The following ATG10 variants were observed in gnomAD, a reference collection of about 807,000 sequenced individuals.
ATG10 encodes autophagy related 10.
Under a neutral mutation model 32.1 loss-of-function variants are expected in ATG10, and 30 were observed. The observed-to-expected ratio is 0.94, with a 90% CI of 0.70 to 1.27. The LOEUF is 1.27. Among genes scored for constraint, ATG10 ranks in the 50% most tolerant of loss-of-function variants. The probability of loss-of-function intolerance (pLI) is 0.00; values close to 1 mark genes in which losing one functional copy is unlikely to be tolerated. For synonymous variants in ATG10, 87 were observed against 91.5 expected (o/e 0.95, Z 0.28); for missense variants, 233 against 262.3 (o/e 0.89, Z 0.77).
At chr5:82,174,912 T>C (rs1255737064) in intron 4 of ATG10, among the ~76,000 whole-genome samples, 2 of 152,192 alleles carry the variant, frequency 1.3e-5, no homozygotes, top group Non-Finnish European at 2.9e-5. Flanking sequence ...AGCAGATATT[T>C]TAACAATGGT....
chr5:82,111,386 T>A (rs1054828283), intron 3 of ATG10: 5 of 152,032 alleles, frequency 3.3e-5, no homozygotes, highest in Admixed American at 3.3e-4. Context: ...TTATGTGGTA[T>A]ACAGACATCT....
At chr5:82,238,074 C>T (rs1428833484) in intron 5 of ATG10, among the ~76,000 whole-genome samples, 1 of 152,188 alleles carries the variant, frequency 6.6e-6, no homozygotes, top group Non-Finnish European at 1.5e-5. Context: ...GGGCCTCAGG[C>T]CTGGGCCACC....
intron 5 of ATG10, among the ~76,000 whole-genome samples, chr5:82,251,131 T>TCAC (rs1257288469): frequency 6.6e-5 from 10 of 152,174 alleles, no homozygotes; most frequent in Non-Finnish European, 1.3e-4. Context: ...AACTCATCCC[T>TCAC]CACCACCACC....
At chr5:82,103,269 T>A (rs984675954) in intron 3 of ATG10, among the ~76,000 whole-genome samples, 1 of 152,212 alleles carries the variant, frequency 6.6e-6, no homozygotes, top group Non-Finnish European at 1.5e-5. Flanking sequence ...TAAAATAATT[T>A]ATTTGTAAAG....
At chr5:82,074,655 A>G (rs77258943) in intron 3 of ATG10, among the ~76,000 whole-genome samples, 1 of 152,132 alleles carries the variant, frequency 6.6e-6, no homozygotes, top group Non-Finnish European at 1.5e-5. Flanking sequence ...CATCTTCTCC[A>G]TATCTCTTAT....
intron 2 of ATG10, among the ~76,000 whole-genome samples, chr5:82,052,556 A>G (rs189657650): frequency 6.8e-4 from 103 of 152,290 alleles, no homozygotes; most frequent in Admixed American, 4.8e-3. Flanking sequence ...ATGAAGTGCC[A>G]TGTATTTATA....
intron 5 of ATG10, among the ~76,000 whole-genome samples, chr5:82,209,199 A>G (rs2149975943): frequency 6.6e-6 from 1 of 152,286 alleles, no homozygotes; most frequent in East Asian, 1.9e-4. Flanking sequence ...AATCTGACTT[A>G]TTTGAAGGTC....
At chr5:82,192,368 A>G (rs1253695701) in intron 5 of ATG10, among the ~76,000 whole-genome samples, 1 of 152,232 alleles carries the variant, frequency 6.6e-6, no homozygotes, top group African/African-American at 2.4e-5. Flanking sequence ...TCAACTAGCC[A>G]GAGAGCTTCA....
chr5:82,253,347 T>C lies in ATG10; in HGVS notation c.585T>C (p.Ile195=), dbSNP rs765397452. Residue 195 remains isoleucine, a synonymous_variant, in exon 7 of 8, where the codon ATT becomes ATC. Coordinates refer to ENST00000282185, the MANE Select transcript of ATG10 (RefSeq NM_031482.5). The part of the protein sequence containing the change: ...NVNYITSWLS[I]VGPVVGLNLP... ...ACTATATCACATCATGGCTGAGCAT[T>C]GTAGGGCCAGTTGTTGGGCTGAATC... 4 of 1,613,352 alleles carry C rather than the reference T, an allele frequency of 2.5e-6. No homozygotes were observed. Among genetic ancestry groups the C allele is most frequent in the Non-Finnish European group, 3.4e-6 (4 of 1,179,234 alleles).
intron 5 of ATG10, among the ~76,000 whole-genome samples, chr5:82,200,100 A>G (rs939644731): frequency 6.6e-6 from 1 of 152,250 alleles, no homozygotes; most frequent in Admixed American, 6.5e-5. Context: ...AAAAACACTC[A>G]TTTGTAGGGT....
intron 3 of ATG10, among the ~76,000 whole-genome samples, chr5:82,084,291 A>G (rs1764588091): frequency 6.6e-6 from 1 of 152,180 alleles, no homozygotes; most frequent in African/African-American, 2.4e-5. Flanking sequence ...TAAAAAGAGT[A>G]AAAAGAAACA....
At chr5:81,990,037 C>T (rs1218387787) in intron 2 of ATG10, among the ~76,000 whole-genome samples, 1 of 151,992 alleles carries the variant, frequency 6.6e-6, no homozygotes, top group Non-Finnish European at 1.5e-5. Context: ...TCTCTTGGGT[C>T]TTCTAGGAAT....
chr5:81,984,103 C>G (rs1387605712), intron 1 of ATG10, among the ~76,000 whole-genome samples: 2 of 152,236 alleles, frequency 1.3e-5, no homozygotes, highest in Non-Finnish European at 2.9e-5. Flanking sequence ...TGCAGCGAGC[C>G]GAGATCACGC....
chr5:82,046,595 C>T lies in ATG10; in HGVS notation c.109-11900C>T, dbSNP rs544308644. ...CCAGTTTGTGGTACTTTGTACAGCCCATCCCAGGGAGGCCTTTGTCACTTC... is the reference window on the plus strand; with the variant it reads ...CCAGTTTGTGGTACTTTGTACAGCCTATCCCAGGGAGGCCTTTGTCACTTC... On this transcript the variant is annotated intron_variant, in intron 2 of 7. Coordinates refer to ENST00000282185, the MANE Select transcript of ATG10 (RefSeq NM_031482.5). Among the ~76,000 whole-genome samples, 345 of 152,296 alleles carry T rather than the reference C, an allele frequency of 2.3e-3. 1 individual carries two copies. The highest frequency in any genetic ancestry group is 7.9e-3 in the African/African-American group (329 of 41,570).
intron 2 of ATG10, among the ~76,000 whole-genome samples, chr5:82,022,022 C>CA (rs1218669453): frequency 0.012 from 1,348 of 109,806 alleles, 18 homozygotes; most frequent in Admixed American, 0.037. Flanking sequence ...GACGCTGTCT[C>CA]AAAAAAAAAA....
chr5:82,188,574 G>T (rs1190989216), intron 5 of ATG10, among the ~76,000 whole-genome samples: 1 of 151,974 alleles, frequency 6.6e-6, no homozygotes, highest in Non-Finnish European at 1.5e-5. Context: ...TCAAGTCTGA[G>T]GAATATTTAT....
chr5:81,984,797 T>C (rs751177243), intron 1 of ATG10, among the ~76,000 whole-genome samples: 2 of 152,224 alleles, frequency 1.3e-5, no homozygotes, highest in Admixed American at 6.5e-5. Flanking sequence ...TGAATTATAT[T>C]TACATTTTTG....
intron 5 of ATG10, among the ~76,000 whole-genome samples, chr5:82,198,521 A>G (rs1744945751): frequency 6.6e-6 from 1 of 152,122 alleles, no homozygotes; most frequent in South Asian, 2.1e-4. Flanking sequence ...CAGCCTCCCA[A>G]AGTGCTGGGA....
In ATG10 at chr5:81,995,449, T is replaced by G. The variant is rs554744489; in HGVS notation, c.108+7771T>G. Among the ~76,000 whole-genome samples, 175 of 152,262 alleles carry G rather than the reference T, an allele frequency of 1.1e-3. 2 individuals are homozygous for G. The highest frequency in any genetic ancestry group is 2.3e-3 in the Admixed American group (35 of 15,290). ...TGAGCCACCATGCCCAGCCTGAGTT[T>G]TTAATGTTCTTTACCTACACAACTG... On this transcript the variant is annotated intron_variant, in intron 2 of 7. Transcript: ENST00000282185.
Sources: allele counts gnomAD v4.1 joint callset (sites outside exome capture counted in the v4.1 genomes callset), GRCh38; gene constraint gnomAD v4.1.1; transcripts MANE v1.5; gene names NCBI Gene and HGNC (gene_info 2026-07-23, HGNC 2026-07-21).